The following UNC13C variants were observed in gnomAD, a reference collection of about 807,000 sequenced individuals.
The protein encoded by UNC13C is unc-13 homolog C, also known as protein unc-13 homolog C.
In UNC13C, 174 loss-of-function variants were observed where a neutral mutation model predicts 245.4. The ratio of observed to expected loss-of-function variants is 0.71; its 90% CI spans 0.63 to 0.80. UNC13C has a LOEUF of 0.80. Among genes scored for constraint, UNC13C ranks in the 30% least tolerant of loss-of-function variants. The probability of loss-of-function intolerance (pLI) is 0.00; values close to 1 mark genes in which losing one functional copy is unlikely to be tolerated. For synonymous variants in UNC13C, 992 were observed against 895.1 expected, an observed-to-expected ratio of 1.11 and a Z score of -1.93; for missense variants, 2,829 against 2,602.9, an observed-to-expected ratio of 1.09 and a Z score of -1.89.
At chr15:53,887,137 A>C in the UNC13C span, among the ~76,000 whole-genome samples, 1 of 152,206 alleles carries the variant, frequency 6.6e-6, no homozygotes, top group Non-Finnish European at 1.5e-5. Context: ...TAATTATAAC[A>C]AATGTGCCAT....
At chr15:54,135,370 C>A (rs769126047) in intron 2 of UNC13C, among the ~76,000 whole-genome samples, 2 of 152,188 alleles carry the variant, frequency 1.3e-5, no homozygotes, top group Non-Finnish European at 1.5e-5. Context: ...GAAATTATTG[C>A]TATCCCGGCC....
chr15:53,910,341 G>A, the UNC13C span, among the ~76,000 whole-genome samples: 2 of 146,010 alleles, frequency 1.4e-5, 1 homozygote, highest in Non-Finnish European at 3.1e-5. Flanking sequence ...GGCCTGGGCA[G>A]ATACCCAGGC....
intron 2 of UNC13C, among the ~76,000 whole-genome samples, chr15:54,103,050 C>G (rs1021994461): frequency 6.6e-6 from 1 of 152,194 alleles, no homozygotes. Context: ...GACTGAAGTT[C>G]ATTGTCTGGC....
At chr15:54,285,112 C>G (rs1439797863) in intron 10 of UNC13C, among the ~76,000 whole-genome samples, 1 of 152,106 alleles carries the variant, frequency 6.6e-6, no homozygotes, top group African/African-American at 2.4e-5. Flanking sequence ...TCCTCTTTTC[C>G]TTTTCCAAAA....
chr15:54,372,914 A>G lies in UNC13C; in HGVS notation c.4714-20134A>G, dbSNP rs552234295. ...TTTAAAAATTTAAAAATAAATTTCA[A>G]CATCCACATATAGCTTATGAACTAT... On this transcript the variant is annotated intron_variant, in intron 17 of 32. Transcript: ENST00000260323. 2.4e-4 allele frequency among the ~76,000 whole-genome samples: 36 copies of G among 152,360 alleles called. No homozygotes were observed. The South Asian group carries it at 6.8e-3, about 29-fold the overall frequency.
In UNC13C at chr15:54,469,818, A is replaced by G. The variant is rs188279996; in HGVS notation, c.4934-24790A>G. 5.3e-5 allele frequency among the ~76,000 whole-genome samples: 8 copies of G among 151,650 alleles called. No individual in the cohort carries two copies. In the East Asian group the frequency reaches 1.5e-3, roughly 29 times the overall value. The stretch of plus-strand genomic sequence containing the variant: ...CTGAACAGAAGTGGTGAGAGTAGCC[A>G]TCCTTATATTGTTCCTGAGATCAGA... On this transcript the variant is annotated intron_variant, in intron 19 of 32. Coordinates refer to ENST00000260323, the MANE Select transcript of UNC13C (RefSeq NM_001080534.3).
chr15:54,189,835 C>T (rs1442242170), intron 4 of UNC13C, among the ~76,000 whole-genome samples: 1 of 152,114 alleles, frequency 6.6e-6, no homozygotes, highest in Non-Finnish European at 1.5e-5. Flanking sequence ...CATCTTGATT[C>T]TTTGATGCCA....
At chr15:54,202,110 CAAG>C (rs982184627) in intron 4 of UNC13C, among the ~76,000 whole-genome samples, 16 of 151,694 alleles carry the variant, frequency 1.1e-4, no homozygotes, top group African/African-American at 3.4e-4. Flanking sequence ...TATACCTAAC[CAAG>C]AAGGTGAAAG....
At chr15:54,180,706 T>A (rs2033768826) in intron 4 of UNC13C, among the ~76,000 whole-genome samples, 1 of 152,094 alleles carries the variant, frequency 6.6e-6, no homozygotes, top group Non-Finnish European at 1.5e-5. Flanking sequence ...TGTGAAATGG[T>A]ATCTCATTGT....
intron 19 of UNC13C, among the ~76,000 whole-genome samples, chr15:54,482,850 A>T (rs140639819): frequency 5.9e-5 from 9 of 152,240 alleles, no homozygotes; most frequent in Non-Finnish European, 5.9e-5. Flanking sequence ...TTCTTTAAAT[A>T]TGAACATAGT....
At chr15:54,624,984 A>G (rs562747851) in intron 32 of UNC13C, among the ~76,000 whole-genome samples, 1 of 152,248 alleles carries the variant, frequency 6.6e-6, no homozygotes, top group South Asian at 2.1e-4. Context: ...GAAAGTGAAA[A>G]CTTGATGTAT....
intron 19 of UNC13C, among the ~76,000 whole-genome samples, chr15:54,444,773 C>T (rs186878792): frequency 5.1e-4 from 78 of 151,744 alleles, no homozygotes; most frequent in Non-Finnish European, 1.0e-3. Context: ...AGGTGTAGAA[C>T]TGGCTTAAGA....
chr15:54,371,749 A>G (rs2039491873), intron 17 of UNC13C, among the ~76,000 whole-genome samples: 1 of 152,040 alleles, frequency 6.6e-6, no homozygotes, highest in South Asian at 2.1e-4. Flanking sequence ...TACCAGTGGA[A>G]TACTATTGAG....
rs769628874 is a variant in UNC13C at position 54,265,415 on chromosome 15, C to T, written c.3737C>T (p.Thr1246Ile). Residue 1246 changes from threonine (T) to isoleucine (I), a missense_variant, in exon 10 of 33, where the codon ACA becomes ATA. Thr to Ile is a moderately conservative substitution (Grantham distance 89). Transcript: ENST00000260323. ...DKTGSSDPYV[T>I]VQVGKNKRRT... Reference sequence around the variant, plus strand: ...ACAGGGTCTAGTGATCCATATGTTACAGTTCAAGTTGGAAAGAACAAAAGA... The same window carrying T: ...ACAGGGTCTAGTGATCCATATGTTATAGTTCAAGTTGGAAAGAACAAAAGA... 2 of 1,588,074 alleles carry T rather than the reference C, an allele frequency of 1.3e-6. No individual in the cohort carries two copies. The highest frequency in any genetic ancestry group is 1.2e-5 in the South Asian group (1 of 86,766).
chr15:54,028,188 T>C (rs56272541), intron 2 of UNC13C, among the ~76,000 whole-genome samples: 7 of 152,334 alleles, frequency 4.6e-5, no homozygotes, highest in Non-Finnish European at 8.8e-5. Context: ...TTTCAGACTT[T>C]CAGTTGATTT....
At chr15:54,599,709 T>C (rs1414010356) in intron 30 of UNC13C, among the ~76,000 whole-genome samples, 2 of 152,108 alleles carry the variant, frequency 1.3e-5, no homozygotes, top group African/African-American at 4.8e-5. Flanking sequence ...AGTGGTTAGT[T>C]GTACAGTGAA....
chr15:54,297,914 A>G lies in UNC13C; in HGVS notation c.4092A>G (p.Thr1364=), dbSNP rs978379142. The G allele has an allele frequency of 1.3e-6, 2 of 1,568,886 alleles. No individual in the cohort carries two copies. Among genetic ancestry groups the G allele is most frequent in the Middle Eastern group, 1.7e-4 (1 of 5,748 alleles). The part of the protein sequence containing the change: ...EKVAPYHIQY[T]CLHENLFHYL... The stretch of plus-strand genomic sequence containing the variant: ...TTGCTCCATATCATATTCAATATAC[A>G]TGTTTACATGAGGTAAATAAATGGA... Residue 1364 remains threonine, a synonymous_variant, in exon 12 of 33, where the codon ACA becomes ACG. Transcript: ENST00000260323.
intron 19 of UNC13C, among the ~76,000 whole-genome samples, chr15:54,424,406 G>A (rs1239883630): frequency 1.3e-5 from 2 of 151,580 alleles, no homozygotes; most frequent in East Asian, 3.9e-4. Context: ...TTTTTTGTTT[G>A]TTTGTTTTTA....
the UNC13C span, among the ~76,000 whole-genome samples, chr15:53,904,366 C>A: frequency 5.5e-4 from 84 of 152,168 alleles, no homozygotes; most frequent in African/African-American, 2.0e-3. Context: ...ATAAAGCATA[C>A]TAATTTGTAA....
Sources: gnomAD v4.1 joint callset for allele counts (sites outside exome capture counted in the v4.1 genomes callset) on GRCh38, gnomAD v4.1.1 for gene constraint, MANE v1.5 for transcripts, NCBI Gene and HGNC (gene_info 2026-07-23, HGNC 2026-07-21) for gene names.